Variants in ADAMTS15 observed in about 807,000 individuals in gnomAD.
ADAMTS15 encodes ADAM metallopeptidase with thrombospondin type 1 motif 15, also known as A disintegrin and metalloproteinase with thrombospondin motifs 15.
Under a neutral mutation model 79.1 loss-of-function variants are expected in ADAMTS15, and 35 were observed. The observed-to-expected ratio is 0.44, with a 90% CI of 0.34 to 0.59. The LOEUF is 0.59. ADAMTS15 is among the 20% of genes least tolerant of loss of function. The pLI is 0.02. For missense variants in ADAMTS15, 1,324 were observed against 1,318.7 expected (o/e 1.00, Z -0.06); for synonymous variants, 616 against 567.3 (o/e 1.09, Z -1.22).
At position 130,452,022 on chromosome 11, in the gene ADAMTS15, A is replaced by G. The variant is rs183339603; in HGVS notation, c.957+2092A>G. Among the ~76,000 whole-genome samples, 46 of 152,240 alleles carry G rather than the reference A, an allele frequency of 3.0e-4. 1 individual carries two copies. The highest frequency in any genetic ancestry group is 1.0e-3 in the South Asian group (5 of 4,826). ...GTGTGGTCAGGGCCACCATCAAGGTATGTACTTTATGCTTCAGAGGAAACC... is the reference window on the plus strand; with the variant it reads ...GTGTGGTCAGGGCCACCATCAAGGTGTGTACTTTATGCTTCAGAGGAAACC... On this transcript the variant is annotated intron_variant, in intron 1 of 7. Transcript: ENST00000299164.
At position 130,473,396 on chromosome 11, in the gene ADAMTS15, T is replaced by G. The variant is rs112935567; in HGVS notation, c.2428T>G (p.Ser810Ala). 906 of 1,612,740 alleles carry G rather than the reference T, an allele frequency of 5.6e-4. 3 individuals are homozygous for G. The African/African-American group carries it at 8.7e-3, about 16-fold the overall frequency. The change falls in exon 8 of 8, where the codon TCT (serine) becomes GCT (alanine). Residue 810 changes from serine (S) to alanine (A), a missense_variant. Ser to Ala is a moderately conservative substitution (Grantham distance 99). Transcript: ENST00000299164. ...CAAAGAGCCTCGGGAGGACAAGTCC[T>G]CTCATCCCAAGGACCCCCGGGGACC... The part of the protein sequence containing the change: ...LPKEPREDKS[S>A]HPKDPRGPSV...
chr11:130,459,706 C>T (rs1472508130), intron 1 of ADAMTS15, among the ~76,000 whole-genome samples: 2 of 152,176 alleles, frequency 1.3e-5, no homozygotes, highest in Non-Finnish European at 2.9e-5. Flanking sequence ...TGGTCACCCT[C>T]GGAATAACTG....
At chr11:130,460,063 A>T (rs887344590) in intron 1 of ADAMTS15, among the ~76,000 whole-genome samples, 1 of 152,220 alleles carries the variant, frequency 6.6e-6, no homozygotes, top group Non-Finnish European at 1.5e-5. Context: ...CAGTGTCAGC[A>T]TTTAATACAT....
In ADAMTS15 at chr11:130,473,305, G is replaced by C. The variant is rs765649842; in HGVS notation, c.2337G>C (p.Leu779=). The change falls in exon 8 of 8, where the codon CTG becomes CTC. Residue 779 remains leucine, a synonymous_variant. Transcript: ENST00000299164. ...LQASRPILEP[L]TVEVLSVGKM... is the part of the protein sequence containing the mutation. Reference sequence around the variant, plus strand: ...CTTCCCGGCCCATCCTGGAGCCGCTGACCGTGGAGGTCCTCTCCGTGGGGA... The same window carrying C: ...CTTCCCGGCCCATCCTGGAGCCGCTCACCGTGGAGGTCCTCTCCGTGGGGA... The C allele has an allele frequency of 6.2e-7, 1 of 1,613,030 alleles. No individual in the cohort carries two copies. Among genetic ancestry groups the C allele is most frequent in the Non-Finnish European group, 8.5e-7 (1 of 1,179,998 alleles).
At chr11:130,464,667 G>T (rs1274560834) in intron 4 of ADAMTS15, among the ~76,000 whole-genome samples, 1 of 152,162 alleles carries the variant, frequency 6.6e-6, no homozygotes, top group Non-Finnish European at 1.5e-5. Context: ...ACTGGTCTCA[G>T]TTTAAATTCA....
At chr11:130,450,632 T>C (rs1048555661) in intron 1 of ADAMTS15, among the ~76,000 whole-genome samples, 9 of 152,200 alleles carry the variant, frequency 5.9e-5, no homozygotes, top group African/African-American at 2.2e-4. Flanking sequence ...GGGCACCTGT[T>C]TGGAGCTGAG....
rs1433957087 is a variant in ADAMTS15 at position 130,471,349 on chromosome 11, T to C, written c.2044T>C (p.Cys682Arg). The C allele has an allele frequency of 6.2e-7, 1 of 1,611,066 alleles. No individual in the cohort carries two copies. The highest frequency in any genetic ancestry group is 2.2e-5 in the East Asian group (1 of 44,826). Reference protein sequence around the residue: ...CGVCGGDNKSCKKVTGLFTKP... With the variant: ...CGVCGGDNKSRKKVTGLFTKP... ...GGTGTGTGGGGGAGACAATAAGAGC[T>C]GCAAGAAGGTGACTGGACTCTTCAC... The change falls in exon 7 of 8, where the codon TGC (cysteine) becomes CGC (arginine). Residue 682 changes from cysteine to arginine, a missense_variant. Physicochemically the swap from Cys to Arg is radical, Grantham distance 180 (BLOSUM62 -3). Coordinates refer to ENST00000299164, the MANE Select transcript of ADAMTS15 (RefSeq NM_139055.4).
At position 130,462,671 on chromosome 11, in the gene ADAMTS15, T is replaced by C. The variant is rs375482848; in HGVS notation, c.1433T>C (p.Met478Thr). 3 of 1,613,060 alleles carry C rather than the reference T, an allele frequency of 1.9e-6. No homozygotes were observed. Among genetic ancestry groups the C allele is most frequent in the East Asian group, 4.5e-5 (2 of 44,830 alleles). The stretch of plus-strand genomic sequence containing the variant: ...TGCACCGGGAAGGCCAAGGGACAGA[T>C]GGTGTGCCAGACCCGCCACTTCCCC... ...LWCTGKAKGQ[M>T]VCQTRHFPWA... Residue 478 changes from methionine (M) to threonine (T), a missense_variant, in exon 4 of 8, where the codon ATG becomes ACG. Transcript: ENST00000299164. The surrounding 1 kb of genome is among the most constrained non-coding windows in gnomAD (Gnocchi z 4.3).
At chr11:130,471,611 G>A (rs75986195) in intron 7 of ADAMTS15, among the ~76,000 whole-genome samples, 2 of 152,096 alleles carry the variant, frequency 1.3e-5, no homozygotes, top group South Asian at 2.1e-4. Flanking sequence ...AATGCTGGGG[G>A]AAGACCCACT....
rs1424951077 is a variant in ADAMTS15 at position 130,469,299 on chromosome 11, C to T, written c.1580C>T (p.Pro527Leu). Residue 527 changes from proline to leucine, a missense_variant, in exon 5 of 8, where the codon CCC becomes CTC. By Grantham distance (98) the Pro-to-Leu change is moderately conservative. Transcript: ENST00000299164. ...TGGGCCAAATGGGATCCCTATGGCC[C>T]CTGCTCGCGCACATGTGGTGGGGGC... is the stretch of plus-strand genomic sequence containing the variant. ...GSWAKWDPYG[P>L]CSRTCGGGVQ... The T allele has an allele frequency of 1.4e-6, 2 of 1,401,120 alleles. No individual in the cohort carries two copies. Among genetic ancestry groups the T allele is most frequent in the Non-Finnish European group, 1.9e-6 (2 of 1,072,578 alleles). The allele number at this position is 1,401,120 out of a possible 1,614,324, so 86.8% of individuals were successfully genotyped here.
intron 1 of ADAMTS15, among the ~76,000 whole-genome samples, chr11:130,450,995 T>C (rs186883778): frequency 6.6e-6 from 1 of 152,328 alleles, no homozygotes; most frequent in Non-Finnish European, 1.5e-5. Context: ...TGATATTCTA[T>C]GTCAAAGAAG....
Position 130,449,272 on chromosome 11 carries a change from G to C in ADAMTS15, c.299G>C (p.Arg100Pro). The change falls in exon 1 of 8, where the codon CGC becomes CCC. Residue 100 changes from arginine to proline, a missense_variant. Transcript: ENST00000299164. This position sits in a 1 kb window ranked among gnomAD's most constrained non-coding sequence, Gnocchi z 7.8. Reference protein sequence around the residue: ...GLTGGSSDLRRCFYSGDVNAE... With the variant: ...GLTGGSSDLRPCFYSGDVNAE... ...ACCGGGGGCTCTTCAGACCTGCGAC[G>C]CTGCTTCTATTCTGGGGACGTGAAC... 1.2e-6 allele frequency: 2 copies of C among 1,612,600 alleles called. No individual in the cohort carries two copies. Among genetic ancestry groups the C allele is most frequent in the Non-Finnish European group, 1.7e-6 (2 of 1,180,022 alleles).
intron 7 of ADAMTS15, 130 bp downstream of exon 7, chr11:130,471,513 C>T (rs535836647): frequency 3.1e-4 from 298 of 973,582 alleles, no homozygotes; most frequent in Non-Finnish European, 4.1e-4. Flanking sequence ...GCAGAGGCCA[C>T]CCATACCCTT....
Position 130,449,239 on chromosome 11 carries a change from A to C in ADAMTS15, c.266A>C (p.Gln89Pro), listed in dbSNP as rs1937899838. ...ACTGAGCATCTGGGCGTCCCCCTCC[A>C]GGGGCTCACCGGGGGCTCTTCAGAC... Reference protein sequence around the residue: ...FSTEHLGVPLQGLTGGSSDLR... With the variant: ...FSTEHLGVPLPGLTGGSSDLR... Residue 89 changes from glutamine (Q) to proline (P), a missense_variant, in exon 1 of 8, where the codon CAG becomes CCG. Physicochemically the swap from Gln to Pro is moderately conservative, Grantham distance 76. Coordinates refer to ENST00000299164, the MANE Select transcript of ADAMTS15 (RefSeq NM_139055.4). The surrounding 1 kb of genome is among the most constrained non-coding windows in gnomAD (Gnocchi z 7.8). The C allele has an allele frequency of 5.0e-6, 8 of 1,613,644 alleles. No individual in the cohort carries two copies. Among genetic ancestry groups the C allele is most frequent in the Non-Finnish European group, 6.8e-6 (8 of 1,180,020 alleles).
At chr11:130,454,323 CT>C (rs1003560645) in intron 1 of ADAMTS15, among the ~76,000 whole-genome samples, 1 of 152,200 alleles carries the variant, frequency 6.6e-6, no homozygotes, top group African/African-American at 2.4e-5. Flanking sequence ...TTGGTGCTAT[CT>C]TCTTGTTTTG....
At chr11:130,461,718 C>T in intron 2 of ADAMTS15, 97 bp downstream of exon 2, 1 of 1,517,644 alleles carries the variant, frequency 6.6e-7, no homozygotes, top group Non-Finnish European at 8.9e-7. Flanking sequence ...GTTCTGAAGC[C>T]TTAGGACCCC....
intron 1 of ADAMTS15, among the ~76,000 whole-genome samples, chr11:130,453,675 C>T (rs1938015103): frequency 6.6e-6 from 1 of 152,168 alleles, no homozygotes; most frequent in Non-Finnish European, 1.5e-5. Context: ...GATCCTCCTG[C>T]CTCAGCCTCC....
At chr11:130,471,447 T>C in intron 7 of ADAMTS15, 64 bp downstream of exon 7, 3 of 1,554,232 alleles carry the variant, frequency 1.9e-6, no homozygotes, top group Non-Finnish European at 2.6e-6. Flanking sequence ...TTTCCCAGGG[T>C]ATTGGAAGCT....
chr11:130,469,213 G>C, intron 4 of ADAMTS15, 49 bp from the exon 5 acceptor site: 1 of 1,358,996 alleles, frequency 7.4e-7, no homozygotes. Context: ...TGAGGGGCTG[G>C]GTGTGGCACC....
Sources: gnomAD v4.1 joint callset for allele counts (sites outside exome capture counted in the v4.1 genomes callset) on GRCh38, gnomAD v4.1.1 for gene constraint, Gnocchi (gnomAD v3.1) non-coding constraint, MANE v1.5 for transcripts, NCBI Gene and HGNC (gene_info 2026-07-23, HGNC 2026-07-21) for gene names.